The following RPSA2 variants were observed in gnomAD, a reference collection of about 807,000 sequenced individuals.
RPSA2 encodes small ribosomal subunit protein uS2B.
chr19:23,864,168 C>T, the RPSA2 span, among the ~76,000 whole-genome samples: 2 of 152,216 alleles, frequency 1.3e-5, no homozygotes, highest in Admixed American at 1.3e-4. Flanking sequence ...CAAGATGACA[C>T]TGGCTTTGGG....
At chr19:23,840,141 T>C in the RPSA2 span, among the ~76,000 whole-genome samples, 2 of 152,248 alleles carry the variant, frequency 1.3e-5, no homozygotes, top group South Asian at 2.1e-4. Context: ...AGGTCAAAAC[T>C]GTGTCCACAT....
the RPSA2 span, among the ~76,000 whole-genome samples, chr19:23,759,980 C>A: frequency 6.6e-6 from 1 of 152,272 alleles, no homozygotes; most frequent in East Asian, 1.9e-4. Flanking sequence ...ATGATAGTTA[C>A]AGAGGACGAC....
the RPSA2 span, among the ~76,000 whole-genome samples, chr19:23,861,455 A>G: frequency 8.5e-5 from 13 of 152,202 alleles, no homozygotes; most frequent in African/African-American, 1.7e-4. Context: ...CACTTCTAGC[A>G]TATCTCCCCC....
the RPSA2 span, among the ~76,000 whole-genome samples, chr19:23,848,527 C>A: frequency 6.6e-6 from 1 of 152,090 alleles, no homozygotes; most frequent in Non-Finnish European, 1.5e-5. Context: ...AATGTATAAA[C>A]CAGCTTGAGA....
chr19:23,851,338 A>T, the RPSA2 span, among the ~76,000 whole-genome samples: 2 of 152,180 alleles, frequency 1.3e-5, no homozygotes, highest in Non-Finnish European at 1.5e-5. Context: ...CTTTTAATCC[A>T]GCAGCATTGA....
At chr19:23,786,985 G>T in the RPSA2 span, among the ~76,000 whole-genome samples, 1 of 151,928 alleles carries the variant, frequency 6.6e-6, no homozygotes, top group African/African-American at 2.4e-5. Context: ...TGTTTCTCCT[G>T]CCTGGGTCTT....
At chr19:23,836,969 C>T in the RPSA2 span, among the ~76,000 whole-genome samples, 1 of 152,062 alleles carries the variant, frequency 6.6e-6, no homozygotes, top group African/African-American at 2.4e-5. Flanking sequence ...TTTGCCATGC[C>T]AAAGCTTTTT....
chr19:23,863,887 C>G, the RPSA2 span, among the ~76,000 whole-genome samples: 1 of 152,214 alleles, frequency 6.6e-6, no homozygotes, highest in Non-Finnish European at 1.5e-5. Context: ...CACACACCAT[C>G]TGCTCTCCAG....
At chr19:23,806,047 CTT>C in the RPSA2 span, among the ~76,000 whole-genome samples, 1 of 126,400 alleles carries the variant, frequency 7.9e-6, no homozygotes, top group Non-Finnish European at 1.6e-5. Context: ...TTCTTTCTTT[CTT>C]TTTTTTTTTT....
At chr19:23,864,892 C>G in the RPSA2 span, among the ~76,000 whole-genome samples, 565 of 152,278 alleles carry the variant, frequency 3.7e-3, 4 homozygotes, top group African/African-American at 0.013. Context: ...CCACCCTCTT[C>G]TCCCTGTCTC....
At chr19:23,867,859 A>G in the RPSA2 span, among the ~76,000 whole-genome samples, 1 of 150,392 alleles carries the variant, frequency 6.6e-6, no homozygotes, top group Non-Finnish European at 1.5e-5. Context: ...GGATTGGGAC[A>G]TCAGGATTTA....
chr19:23,865,166 A>G, the RPSA2 span, among the ~76,000 whole-genome samples: 1 of 152,206 alleles, frequency 6.6e-6, no homozygotes, highest in Admixed American at 6.5e-5. Context: ...ATATGCTGGC[A>G]GTGGATATAA....
At chr19:23,776,724 T>C in the RPSA2 span, among the ~76,000 whole-genome samples, 1 of 152,216 alleles carries the variant, frequency 6.6e-6, no homozygotes, top group Non-Finnish European at 1.5e-5. Flanking sequence ...AACAAACTGC[T>C]GGGCCCAGCA....
chr19:23,810,372 T>C, the RPSA2 span, among the ~76,000 whole-genome samples: 132,594 of 136,220 alleles, frequency 0.97, 64,629 homozygotes, highest in Middle Eastern at 1. Flanking sequence ...CCAGCCTGGG[T>C]GACAGAGCGA....
the RPSA2 span, among the ~76,000 whole-genome samples, chr19:23,777,238 C>T: frequency 2.0e-5 from 3 of 152,182 alleles, no homozygotes; most frequent in Non-Finnish European, 1.5e-5. Flanking sequence ...ATTGCTTGGC[C>T]AGGATCCTAG....
chr19:23,849,741 A>G, the RPSA2 span, among the ~76,000 whole-genome samples: 1 of 152,168 alleles, frequency 6.6e-6, no homozygotes, highest in East Asian at 1.9e-4. Flanking sequence ...TGTTTTTTAA[A>G]TAGCCCTTTG....
At chr19:23,861,659 G>A in the RPSA2 span, among the ~76,000 whole-genome samples, 1,295 of 152,112 alleles carry the variant, frequency 8.5e-3, 18 homozygotes, top group African/African-American at 0.029. Flanking sequence ...GTCAGTTCAC[G>A]TACTAACATG....
the RPSA2 span, among the ~76,000 whole-genome samples, chr19:23,847,037 C>A: frequency 6.6e-6 from 1 of 151,888 alleles, no homozygotes; most frequent in African/African-American, 2.4e-5. Flanking sequence ...ATCTCCAAAT[C>A]TTTGTTCATT....
the RPSA2 span, among the ~76,000 whole-genome samples, chr19:23,824,298 C>A: frequency 1.3e-5 from 2 of 152,158 alleles, no homozygotes; most frequent in Non-Finnish European, 2.9e-5. Context: ...CTAAAGCAGG[C>A]CTTGCAGCTG....
Sources: gnomAD v4.1 joint callset for allele counts (sites outside exome capture counted in the v4.1 genomes callset) on GRCh38, gnomAD v4.1.1 for gene constraint, MANE v1.5 for transcripts, NCBI Gene and HGNC (gene_info 2026-07-23, HGNC 2026-07-21) for gene names.